MCF2L: variants seen among roughly 807,000 people sequenced by gnomAD.
The protein encoded by MCF2L is MCF.2 cell line derived transforming sequence like.
MCF2L carries 97 observed loss-of-function variants against 153.4 expected under a neutral mutation model. The ratio of observed to expected loss-of-function variants is 0.63; its 90% CI spans 0.54 to 0.75. The LOEUF (loss-of-function observed/expected upper bound fraction) is 0.75. MCF2L is among the 30% of genes least tolerant of loss of function. MCF2L has a pLI of 0.00. For missense variants in MCF2L, 1,347 were observed against 1,495.2 expected (o/e 0.90, Z 1.64); for synonymous variants, 659 against 632.2 (o/e 1.04, Z -0.64).
rs547142136 is a variant in MCF2L at position 112,899,947 on chromosome 13, AGCCCCTTG to A, written c.-4-2250_-4-2243del. ...TCATAGTGGAGAGAAACAGCGGAACAGCCCCTTGGGTTGGTTTCTGGATGGGGAGGATG... is the reference window on the plus strand; with the variant it reads ...TCATAGTGGAGAGAAACAGCGGAACAGGTTGGTTTCTGGATGGGGAGGATG... On this transcript the variant is annotated intron_variant, in intron 1 of 29. Transcript: ENST00000375608. 2.0e-3 allele frequency among the ~76,000 whole-genome samples: 311 copies of A among 152,340 alleles called. 1 individual carries two copies. Among genetic ancestry groups the A allele is most frequent in the Non-Finnish European group, 3.6e-3 (243 of 68,026 alleles).
chr13:113,090,265 A>T (rs990225324), intron 26 of MCF2L: 11 of 1,345,256 alleles, frequency 8.2e-6, no homozygotes, highest in Admixed American at 7.3e-5. Flanking sequence ...GCCACGCAAA[A>T]GCGTTTCTTT....
chr13:112,947,591 A>G (rs2081650961), intron 2 of MCF2L, among the ~76,000 whole-genome samples: 1 of 152,248 alleles, frequency 6.6e-6, no homozygotes, highest in African/African-American at 2.4e-5. Context: ...CCAAAACTCA[A>G]CAAGGCAAAC....
intron 17 of MCF2L, among the ~76,000 whole-genome samples, chr13:113,083,593 T>C (rs945714937): frequency 5.9e-5 from 9 of 152,242 alleles, no homozygotes; most frequent in Admixed American, 4.6e-4. Flanking sequence ...CCCAGGAGCC[T>C]GGGGGCGGCG....
At chr13:112,906,192 C>T (rs1375596550) in intron 2 of MCF2L, among the ~76,000 whole-genome samples, 1 of 152,198 alleles carries the variant, frequency 6.6e-6, no homozygotes, top group Non-Finnish European at 1.5e-5. Flanking sequence ...TGTTCCACCA[C>T]ATTGTTTCAG....
intron 1 of MCF2L, among the ~76,000 whole-genome samples, chr13:112,997,369 GT>G (rs1236999293): frequency 6.6e-6 from 1 of 152,216 alleles, no homozygotes; most frequent in Non-Finnish European, 1.5e-5. Flanking sequence ...TCAGAGCAGT[GT>G]TACACAGGCA....
At chr13:113,062,766 G>A (rs892235788) in intron 5 of MCF2L, among the ~76,000 whole-genome samples, 67 of 152,338 alleles carry the variant, frequency 4.4e-4, no homozygotes, top group Non-Finnish European at 6.2e-4. Flanking sequence ...CTCTGCTGCC[G>A]TGACTGACTG....
chr13:112,903,127 A>T (rs1303481169), intron 2 of MCF2L, among the ~76,000 whole-genome samples: 1 of 152,204 alleles, frequency 6.6e-6, no homozygotes, highest in East Asian at 1.9e-4. Context: ...CGTGGATTTG[A>T]TGGCCGGGTG....
chr13:112,995,467 C>T (rs777562122), intron 1 of MCF2L, among the ~76,000 whole-genome samples: 40 of 152,164 alleles, frequency 2.6e-4, no homozygotes, highest in Non-Finnish European at 5.1e-4. Context: ...CTGTCCTTGC[C>T]GCTGTGTGAG....
At chr13:112,896,440 G>A (rs1288695294) in intron 1 of MCF2L, among the ~76,000 whole-genome samples, 2 of 150,606 alleles carry the variant, frequency 1.3e-5, no homozygotes, top group African/African-American at 5.0e-5. Flanking sequence ...GTGACTCCAG[G>A]TCACTTCAGA....
At chr13:113,012,871 T>C (rs1418346260) in intron 1 of MCF2L, among the ~76,000 whole-genome samples, 1 of 60,340 alleles carries the variant, frequency 1.7e-5, no homozygotes, top group Non-Finnish European at 3.3e-5. Flanking sequence ...CGGTGGACAC[T>C]GAGATGCGGA....
At chr13:113,026,886 G>T (rs1421361520) in intron 3 of MCF2L, 2 of 754,516 alleles carry the variant, frequency 2.7e-6, no homozygotes, top group East Asian at 2.5e-5. Flanking sequence ...CAGGAGAGCA[G>T]CATCAGGCCG....
At chr13:113,080,290 T>C (rs1429164065) in intron 15 of MCF2L, among the ~76,000 whole-genome samples, 33 of 145,846 alleles carry the variant, frequency 2.3e-4, no homozygotes, top group Admixed American at 2.2e-3. Flanking sequence ...GGCAGAGGAG[T>C]GTCCATACGG....
chr13:113,094,857 C>T (rs1224357418), intron 27 of MCF2L: 2 of 1,086,376 alleles, frequency 1.8e-6, no homozygotes, highest in African/African-American at 1.6e-5. Context: ...AGCCCCAGCT[C>T]CTCCTAACTC....
In MCF2L at chr13:112,982,179, G is replaced by T. The variant is rs146660848; in HGVS notation, c.79+12721G>T. On this transcript the variant is annotated intron_variant, in intron 1 of 29. Coordinates refer to ENST00000535094, the MANE Select transcript of MCF2L (RefSeq NM_001112732.3). ...GGAAAGAGGTCTAGGGGCCTAGTGG[G>T]CTCCAAGGAGGGCAGAGAAGCCCCA... 1.1e-3 allele frequency among the ~76,000 whole-genome samples: 163 copies of T among 152,316 alleles called. 1 individual carries two copies. In the East Asian group the frequency reaches 0.029, roughly 27 times the overall value.
At chr13:113,066,234 C>T (rs1261139782) in intron 8 of MCF2L, 64 bp downstream of exon 8, 1 of 1,496,008 alleles carries the variant, frequency 6.7e-7, no homozygotes, top group Non-Finnish European at 8.9e-7. Flanking sequence ...CTCTCAGGCA[C>T]ACAGCTTCTG....
upstream of MCF2L, among the ~76,000 whole-genome samples, chr13:112,969,033 C>T (rs930125120): frequency 6.7e-6 from 1 of 148,766 alleles, no homozygotes; most frequent in African/African-American, 2.5e-5. This position sits in a 1 kb window ranked among gnomAD's most constrained non-coding sequence, Gnocchi z 4.8. Flanking sequence ...TGGTGAGCCC[C>T]GGGGCTCCCC....
chr13:112,922,698 G>A (rs944986637), intron 2 of MCF2L, among the ~76,000 whole-genome samples: 2 of 152,226 alleles, frequency 1.3e-5, no homozygotes, highest in East Asian at 1.9e-4. Context: ...AGCCAGGCGT[G>A]GTGGCACGTG....
intron 2 of MCF2L, chr13:112,909,306 ACT>A (rs2081205963): frequency 2.6e-6 from 2 of 779,572 alleles, no homozygotes; most frequent in Non-Finnish European, 4.8e-6. Context: ...CTCGGGAGGC[ACT>A]CGGCAGTGTG....
intron 1 of MCF2L, among the ~76,000 whole-genome samples, chr13:112,976,087 A>G (rs971253530): frequency 6.6e-6 from 1 of 152,012 alleles, no homozygotes; most frequent in Non-Finnish European, 1.5e-5. Flanking sequence ...TTCCTTCTAA[A>G]TTATGGGATT....
Sources: gnomAD v4.1 joint callset for allele counts (sites outside exome capture counted in the v4.1 genomes callset) on GRCh38, gnomAD v4.1.1 for gene constraint, Gnocchi (gnomAD v3.1) non-coding constraint, MANE v1.5 for transcripts, NCBI Gene and HGNC (gene_info 2026-07-23, HGNC 2026-07-21) for gene names.